Variants in ATP9A observed in about 807,000 individuals in gnomAD.
ATP9A encodes ATPase phospholipid transporting 9A, also known as probable phospholipid-transporting ATPase IIA.
ATP9A carries 52 observed loss-of-function variants against 144.1 expected under a neutral mutation model. The ratio of observed to expected loss-of-function variants is 0.36; its 90% CI spans 0.29 to 0.45. The LOEUF (loss-of-function observed/expected upper bound fraction) is 0.45. Among genes scored for constraint, ATP9A ranks in the 20% least tolerant of loss-of-function variants. The pLI, the probability that ATP9A is intolerant of heterozygous loss-of-function variation, is 1.00. For missense variants in ATP9A, 947 were observed against 1,392.7 expected (o/e 0.68, Z 5.09); for synonymous variants, 582 against 557.4 (o/e 1.04, Z -0.62).
At position 51,696,086 on chromosome 20, in the gene ATP9A, T is replaced by C. The variant is rs2077569466; in HGVS notation, c.547+7A>G. 6 of 1,611,626 alleles carry C rather than the reference T, an allele frequency of 3.7e-6. No homozygotes were observed. Among genetic ancestry groups the C allele is most frequent in the Non-Finnish European group, 5.1e-6 (6 of 1,177,834 alleles). On this transcript the variant is annotated splice_region_variant and intron_variant, in intron 6 of 27. Transcript: ENST00000338821. The stretch of plus-strand genomic sequence containing the variant: ...GGTTATTTTCCAAATTGATCTCAGA[T>C]GTTTACCGTTTTTTTCTGATGTCCT...
At chr20:51,713,511 A>C (rs565885127) in intron 3 of ATP9A, among the ~76,000 whole-genome samples, 2 of 152,202 alleles carry the variant, frequency 1.3e-5, no homozygotes, top group Non-Finnish European at 2.9e-5. Flanking sequence ...TGAGATCCCC[A>C]TGCAGATGAG....
At chr20:51,689,702 G>A (rs2077538671) in intron 8 of ATP9A, among the ~76,000 whole-genome samples, 1 of 151,836 alleles carries the variant, frequency 6.6e-6, no homozygotes, top group Non-Finnish European at 1.5e-5. Context: ...GATTACAGGT[G>A]TGAGCCACCA....
At chr20:51,735,065 TAG>T (rs1262721058) in intron 1 of ATP9A, 2 of 193,832 alleles carry the variant, frequency 1.0e-5, no homozygotes, top group African/African-American at 4.7e-5. Flanking sequence ...GGCTTCAGAG[TAG>T]AGATCTCCAT....
chr20:51,625,432 G>A, intron 17 of ATP9A, 70 bp from the exon 18 acceptor site: 1 of 1,524,292 alleles, frequency 6.6e-7, no homozygotes, highest in South Asian at 1.3e-5. Context: ...CCAGTGCCAA[G>A]AGTGGAAGGG....
intron 12 of ATP9A, among the ~76,000 whole-genome samples, 184 bp from the exon 13 acceptor site, chr20:51,670,293 T>C (rs893311065): frequency 4.6e-5 from 7 of 152,180 alleles, no homozygotes; most frequent in Admixed American, 4.6e-4. Context: ...CTTTTGAAAA[T>C]GGCTTCCTAG....
intron 1 of ATP9A, 28 bp from the exon 2 acceptor site, chr20:51,730,006 G>A (rs1044790531): frequency 3.3e-6 from 5 of 1,497,046 alleles, no homozygotes; most frequent in Non-Finnish European, 4.4e-6. Flanking sequence ...ACGCATCAAG[G>A]CCACGCCCAC....
chr20:51,753,484 C>CAAA (rs372892373), intron 1 of ATP9A, among the ~76,000 whole-genome samples: 3,503 of 149,634 alleles, frequency 0.023, 46 homozygotes, highest in East Asian at 0.057. Context: ...ACAACAACAA[C>CAAA]AACAAACCCA....
chr20:51,694,077 C>G lies in ATP9A; in HGVS notation c.573G>C (p.Gln191His), dbSNP rs1217828100. 6.2e-7 allele frequency: 1 copy of G among 1,614,166 alleles called. No homozygotes were observed. The highest frequency in any genetic ancestry group is 1.7e-5 in the Admixed American group (1 of 60,018). Residue 191 changes from glutamine to histidine, a missense_variant, in exon 7 of 28, where the codon CAG becomes CAC. Gln to His is a conservative substitution (Grantham distance 24). This residue lies in a region of ATP9A where 770 missense variants were observed against 1,047.9 expected (regional missense o/e 0.73). Transcript: ENST00000338821. The stretch of plus-strand genomic sequence containing the variant: ...GCTTCCAGTCCGTCTCCCCATCCAG[C>G]TGATCCGTCCGCAAGAAGCATGACC... Reference protein sequence around the residue: ...KNGSCFLRTDQLDGETDWKLR... With the variant: ...KNGSCFLRTDHLDGETDWKLR...
intron 9 of ATP9A, among the ~76,000 whole-genome samples, chr20:51,676,917 CTTTTTTTT>C (rs34062000): frequency 7.3e-5 from 5 of 68,424 alleles, no homozygotes; most frequent in Admixed American, 1.9e-4. Context: ...CGCCCAGTCT[CTTTTTTTT>C]TTTTTTTTTT....
At chr20:51,685,465 G>C (rs542453555) in intron 9 of ATP9A, among the ~76,000 whole-genome samples, 3 of 152,044 alleles carry the variant, frequency 2.0e-5, no homozygotes, top group Non-Finnish European at 4.4e-5. Context: ...GGGAGGCTGA[G>C]GCAGGAGAAT....
At chr20:51,717,189 A>T (rs1374912822) in intron 3 of ATP9A, among the ~76,000 whole-genome samples, 1 of 135,098 alleles carries the variant, frequency 7.4e-6, no homozygotes, top group Non-Finnish European at 1.7e-5. Context: ...AAAAAAAAAA[A>T]AAGATCTAAA....
intron 6 of ATP9A, among the ~76,000 whole-genome samples, chr20:51,694,501 T>A (rs1005895725): frequency 2.0e-5 from 3 of 152,078 alleles, no homozygotes; most frequent in Non-Finnish European, 1.5e-5. Context: ...CCAAACCACC[T>A]GAGTGCAGGT....
intron 1 of ATP9A, among the ~76,000 whole-genome samples, chr20:51,737,861 C>T (rs1458028510): frequency 2.0e-5 from 3 of 151,950 alleles, no homozygotes; most frequent in Admixed American, 6.6e-5. Context: ...AATAAGTAAG[C>T]GAAAGAGCCA....
At chr20:51,697,572 A>G in intron 4 of ATP9A, 90 bp from the exon 5 acceptor site, 1 of 1,182,754 alleles carries the variant, frequency 8.5e-7, no homozygotes. Flanking sequence ...CAAACACACA[A>G]TACACCCAGA....
chr20:51,671,163 T>C lies in ATP9A; in HGVS notation c.1132A>G (p.Ile378Val), dbSNP rs759031251. Residue 378 changes from isoleucine to valine, a missense_variant, in exon 12 of 28, where the codon ATT becomes GTT. Transcript: ENST00000338821. The stretch of plus-strand genomic sequence containing the variant: ...GAAATCCTGCCCAGCTGCTCAGGAA[T>C]CGTGCTGGAGCGAACCACGGTCCCG... ...IPGTVVRSST[I>V]PEQLGRISYL... 5 of 1,613,996 alleles carry C rather than the reference T, an allele frequency of 3.1e-6. No homozygotes were observed. Among genetic ancestry groups the C allele is most frequent in the African/African-American group, 1.3e-5 (1 of 74,910 alleles).
intron 9 of ATP9A, among the ~76,000 whole-genome samples, chr20:51,679,300 GGTGACGGA>G (rs1357813509): frequency 6.6e-6 from 1 of 150,458 alleles, no homozygotes; most frequent in African/African-American, 2.5e-5. Context: ...CTCCAGCCTG[GGTGACGGA>G]GTGACACTCT....
rs943480358 is a variant in ATP9A at position 51,596,651 on chromosome 20, GGAAA to G, written c.*4556_*4559del. The G allele has an allele frequency of 2.8e-4, 42 of 151,864 alleles. No individual in the cohort carries two copies. Among genetic ancestry groups the G allele is most frequent in the African/African-American group, 8.5e-4 (35 of 41,322 alleles). 9.4% of individuals were successfully genotyped at this position (151,864 alleles called of 1,614,324 possible). On this transcript the variant is annotated 3_prime_UTR_variant, in exon 28 of 28. Transcript: ENST00000338821. ...CAAAATCAAAATAATTTTCTGAACT[GGAAA>G]GAGTTTTCTTTACATTTCATGTACC...
At chr20:51,662,487 G>A (rs1310870798) in intron 13 of ATP9A, among the ~76,000 whole-genome samples, 3 of 151,132 alleles carry the variant, frequency 2.0e-5, no homozygotes, top group African/African-American at 7.3e-5. Context: ...AGAGGTTGCA[G>A]TGAGCTGAGA....
intron 14 of ATP9A, among the ~76,000 whole-genome samples, chr20:51,641,237 T>G (rs1012750976): frequency 2.8e-4 from 42 of 151,984 alleles, no homozygotes; most frequent in African/African-American, 9.9e-4. Flanking sequence ...CATGCGCCTG[T>G]AATCCCAGCT....
Sources: gnomAD v4.1 joint callset for allele counts (sites outside exome capture counted in the v4.1 genomes callset) on GRCh38, gnomAD v4.1.1 for gene constraint, gnomAD v4.1.1 regional missense constraint, MANE v1.5 for transcripts, NCBI Gene and HGNC (gene_info 2026-07-23, HGNC 2026-07-21) for gene names.